RP1L1: variants seen among roughly 807,000 people sequenced by gnomAD.
RP1L1 encodes the protein RP1 like 1, also known as retinitis pigmentosa 1-like 1 protein.
RP1L1 carries 27 observed loss-of-function variants against 15.7 expected under a neutral mutation model. The ratio of observed to expected loss-of-function variants is 1.72; its 90% CI spans 1.27 to 2.38. The LOEUF (loss-of-function observed/expected upper bound fraction) is 2.38. RP1L1 is among the 30% of genes most tolerant of loss of function. RP1L1 has a pLI of 0.00. For synonymous variants in RP1L1, 1,813 were observed against 1,276.7 expected (o/e 1.42, Z -8.96); for missense variants, 4,798 against 3,075.9 (o/e 1.56, Z -13.24).
chr8:10,645,834 T>C (rs1474576461), intron 1 of RP1L1, among the ~76,000 whole-genome samples: 1 of 152,182 alleles, frequency 6.6e-6, no homozygotes, highest in African/African-American at 2.4e-5. Context: ...CAGGGACCTC[T>C]GAACCCTGCA....
rs768979550 is a variant in RP1L1, at chr8:10,611,479, G to T, written c.2619C>A (p.Thr873=). Residue 873 remains threonine (T), a synonymous_variant, in exon 4 of 4, where the codon ACC becomes ACA. Transcript: ENST00000382483. The part of the protein sequence containing the change: ...PQRRSSSCGS[T]GSSHQSTARG... ...GGGCAGTGCTTTGGTGGCTGCTGCC[G>T]GTGCTCCCACAGCTGGAAGAGCGCC... 1.3e-6 allele frequency: 2 copies of T among 1,570,410 alleles called. No individual in the cohort carries two copies. Among genetic ancestry groups the T allele is most frequent in the Non-Finnish European group, 1.7e-6 (2 of 1,160,276 alleles).
chr8:10,625,879 C>A (rs1484759840), intron 1 of RP1L1, among the ~76,000 whole-genome samples: 1 of 151,828 alleles, frequency 6.6e-6, no homozygotes, highest in African/African-American at 2.4e-5. Context: ...CCAGGGGAGG[C>A]TGAGTCAGTG....
rs777086862 is a variant in RP1L1, at chr8:10,612,075, G to C, written c.2023C>G (p.His675Asp). The change falls in exon 4 of 4, where the codon CAC becomes GAC. Residue 675 changes from histidine (H) to aspartate (D), a missense_variant. Coordinates refer to ENST00000382483, the MANE Select transcript of RP1L1 (RefSeq NM_178857.6). ...PRHSHYRKDTHSPLDSSVTKQ... is the reference protein window; with the variant it reads ...PRHSHYRKDTDSPLDSSVTKQ... Reference sequence around the variant, plus strand: ...GTTACAGAGGAGTCCAGTGGGCTGTGGGTGTCCTTGCGGTAGTGAGAATGC... The same window carrying C: ...GTTACAGAGGAGTCCAGTGGGCTGTCGGTGTCCTTGCGGTAGTGAGAATGC... 6.2e-7 allele frequency: 1 copy of C among 1,613,870 alleles called. No individual in the cohort carries two copies. Among genetic ancestry groups the C allele is most frequent in the Non-Finnish European group, 8.5e-7 (1 of 1,180,038 alleles).
At chr8:10,629,980 G>C (rs1039794437) in intron 1 of RP1L1, among the ~76,000 whole-genome samples, 2 of 152,212 alleles carry the variant, frequency 1.3e-5, no homozygotes, top group African/African-American at 2.4e-5. Context: ...TCAAAGGTCA[G>C]AGTCTTCTCC....
chr8:10,645,495 G>A (rs1195514456), intron 1 of RP1L1, among the ~76,000 whole-genome samples: 2 of 152,100 alleles, frequency 1.3e-5, no homozygotes, highest in Non-Finnish European at 1.5e-5. Flanking sequence ...TACTCACCAG[G>A]GGCTTTGGTC....
intron 1 of RP1L1, among the ~76,000 whole-genome samples, chr8:10,634,657 G>T (rs1798302542): frequency 6.6e-6 from 1 of 152,182 alleles, no homozygotes; most frequent in Non-Finnish European, 1.5e-5. Context: ...CCAGGCTCCT[G>T]CTGGATTAGG....
chr8:10,640,071 A>T (rs1319235959), intron 1 of RP1L1, among the ~76,000 whole-genome samples: 1 of 152,242 alleles, frequency 6.6e-6, no homozygotes, highest in Non-Finnish European at 1.5e-5. Context: ...ACATAAAGCT[A>T]TCTCAGGATA....
Position 10,607,053 on chromosome 8 carries a change from T to C in RP1L1, c.7045A>G (p.Thr2349Ala). The change falls in exon 4 of 4, where the codon ACT (threonine) becomes GCT (alanine). Residue 2349 changes from threonine to alanine, a missense_variant. Transcript: ENST00000382483. ...KATRMYPESS[T>A]SEQEEAPLGS... ...AAAGGGGCCTCTTCTTGCTCAGAAG[T>C]AGAACTTTCTGGGTACATCCTGGTG... is the stretch of plus-strand genomic sequence containing the variant. 6.2e-7 allele frequency: 1 copy of C among 1,614,188 alleles called. No individual in the cohort carries two copies. Among genetic ancestry groups the C allele is most frequent in the Non-Finnish European group, 8.5e-7 (1 of 1,180,032 alleles).
At chr8:10,621,650 G>A (rs757939085) in intron 2 of RP1L1, 195 of 460,478 alleles carry the variant, frequency 4.2e-4, no homozygotes, top group Non-Finnish European at 6.8e-4. Context: ...AAGTATTGGT[G>A]GAATGGTGCA....
chr8:10,653,459 A>AAC (rs57172931), intron 1 of RP1L1, among the ~76,000 whole-genome samples: 19,002 of 148,502 alleles, frequency 0.13, 1,371 homozygotes, highest in Non-Finnish European at 0.15. Context: ...GTCTCCCTCC[A>AAC]ACACACACAC....
rs764407835 is a variant in RP1L1 at position 10,613,262 on chromosome 8, C to A, written c.836G>T (p.Gly279Val). 1 of 1,610,362 alleles carries A rather than the reference C, an allele frequency of 6.2e-7. No homozygotes were observed. The highest frequency in any genetic ancestry group is 2.2e-5 in the East Asian group (1 of 44,880). Residue 279 changes from glycine (G) to valine (V), a missense_variant, in exon 4 of 4, where the codon GGT becomes GTT. Coordinates refer to ENST00000382483, the MANE Select transcript of RP1L1 (RefSeq NM_178857.6). ...GSTPRLPERP[G>V]PSNPPVGPAP... is the part of the protein sequence containing the mutation. ...AGGGCCCACCGGGGGGTTGCTAGGA[C>A]CAGGCCTTTCTGGCAGCCGTGGCGT...
intron 1 of RP1L1, among the ~76,000 whole-genome samples, chr8:10,634,620 T>G (rs1798302138): frequency 6.6e-6 from 1 of 152,176 alleles, no homozygotes; most frequent in Non-Finnish European, 1.5e-5. Flanking sequence ...CAGAAGGCTC[T>G]AGGTTTGGCA....
chr8:10,654,160 C>G (rs1028225734), intron 1 of RP1L1, among the ~76,000 whole-genome samples: 3 of 152,180 alleles, frequency 2.0e-5, no homozygotes, highest in African/African-American at 7.2e-5. Context: ...GCCTCGTTTT[C>G]TCCACCAGAA....
chr8:10,617,865 G>A (rs1056851548), intron 2 of RP1L1, among the ~76,000 whole-genome samples: 2 of 152,106 alleles, frequency 1.3e-5, no homozygotes, highest in Non-Finnish European at 2.9e-5. Flanking sequence ...CTAGAAGTTT[G>A]TTTTAAATGA....
chr8:10,614,882 A>T (rs1004281094), intron 3 of RP1L1, among the ~76,000 whole-genome samples: 3 of 152,148 alleles, frequency 2.0e-5, no homozygotes, highest in Non-Finnish European at 4.4e-5. Context: ...TATGTAACAA[A>T]CCTGCATGTT....
rs766553822 is a variant in RP1L1 at position 10,609,562 on chromosome 8, C to G, written c.4536G>C (p.Leu1512=). The change falls in exon 4 of 4, where the codon CTG becomes CTC. Residue 1512 remains leucine, a synonymous_variant. Coordinates refer to ENST00000382483, the MANE Select transcript of RP1L1 (RefSeq NM_178857.6). ...RSSSVACSAA[L]DCDPIWVSVL... is the part of the protein sequence containing the mutation. The stretch of plus-strand genomic sequence containing the variant: ...CGGACACCCAGATGGGGTCGCAGTC[C>G]AGAGCCGCGCTGCAGGCCACCGAAG... The G allele has an allele frequency of 2.2e-5, 35 of 1,603,638 alleles. No homozygotes were observed. Among genetic ancestry groups the G allele is most frequent in the Non-Finnish European group, 2.9e-5 (34 of 1,177,172 alleles).
Position 10,622,362 on chromosome 8 carries a change from G to A in RP1L1, c.609+231C>T, listed in dbSNP as rs146362300. ...AAAAAAAAAAAAAAAAGAGTACACA[G>A]GCACAATGCCTGCCACTTACCGCAT... is the stretch of plus-strand genomic sequence containing the variant. On this transcript the variant is annotated intron_variant, in intron 2 of 3. Transcript: ENST00000382483. 4.5e-3 allele frequency among the ~76,000 whole-genome samples: 673 copies of A among 148,894 alleles called. 5 individuals carry two copies. The highest frequency in any genetic ancestry group is 0.016 in the African/African-American group (650 of 40,682).
intron 1 of RP1L1, among the ~76,000 whole-genome samples, chr8:10,623,519 T>A (rs1217878685): frequency 6.6e-6 from 1 of 151,260 alleles, no homozygotes; most frequent in African/African-American, 2.4e-5. Context: ...AGAACCACCA[T>A]GAAACCAGGA....
Position 10,612,020 on chromosome 8 carries a change from C to T in RP1L1, c.2078G>A (p.Arg693Gln), listed in dbSNP as rs201625937. ...TKQVPRPPER[R>Q]RACQDGSVPR... ...CACTGAGCCATCCTGGCAGGCCCTT[C>T]GCCGCTCAGGAGGCCTCGGCACTTG... Residue 693 changes from arginine to glutamine, a missense_variant, in exon 4 of 4, where the codon CGA (arginine) becomes CAA (glutamine). Physicochemically the swap from Arg to Gln is conservative, Grantham distance 43. Coordinates refer to ENST00000382483, the MANE Select transcript of RP1L1 (RefSeq NM_178857.6). 89 of 1,613,770 alleles carry T rather than the reference C, an allele frequency of 5.5e-5. No homozygotes were observed. Among genetic ancestry groups the T allele is most frequent in the Admixed American group, 2.7e-4 (16 of 60,012 alleles).
Sources: allele counts gnomAD v4.1 joint callset (sites outside exome capture counted in the v4.1 genomes callset), GRCh38; gene constraint gnomAD v4.1.1; transcripts MANE v1.5; gene names NCBI Gene and HGNC (gene_info 2026-07-23, HGNC 2026-07-21).